Variants in DPP3 observed in about 807,000 individuals in gnomAD.
DPP3 encodes the protein DPP III.
A neutral mutation model predicts 89.8 loss-of-function variants in DPP3; 64 were observed. The observed-to-expected ratio is 0.71, with a 90% confidence interval of 0.58 to 0.88. The LOEUF (loss-of-function observed/expected upper bound fraction) is 0.88, where lower values mean the gene tolerates loss of function less well. DPP3 is among the 40% of genes least tolerant of loss of function. The pLI is 0.00. For missense variants in DPP3, 835 were observed against 972.5 expected, an observed-to-expected ratio of 0.86 and a Z score of 1.88; for synonymous variants, 377 against 404.3, an observed-to-expected ratio of 0.93 and a Z score of 0.81.
chr11:66,494,545 G>T (rs972376480), intron 12 of DPP3, among the ~76,000 whole-genome samples: 4 of 152,212 alleles, frequency 2.6e-5, no homozygotes, highest in Non-Finnish European at 5.9e-5. Context: ...CCTGCTGTGT[G>T]GGCTGTTGTG....
chr11:66,488,593 C>T (rs907314895), intron 6 of DPP3, among the ~76,000 whole-genome samples: 1 of 150,514 alleles, frequency 6.6e-6, no homozygotes, highest in African/African-American at 2.4e-5. Context: ...AAGAGGCTGG[C>T]CCTTCCCAAA....
At chr11:66,500,026 C>G (rs1055830577) in intron 16 of DPP3, among the ~76,000 whole-genome samples, 3 of 152,048 alleles carry the variant, frequency 2.0e-5, no homozygotes, top group African/African-American at 4.8e-5. Context: ...ATGGGGACTA[C>G]TGTACTGACA....
chr11:66,487,518 G>A (rs774982271), intron 5 of DPP3, among the ~76,000 whole-genome samples, 176 bp downstream of exon 5: 6 of 152,104 alleles, frequency 3.9e-5, no homozygotes, highest in Non-Finnish European at 5.9e-5. Flanking sequence ...AGGGCAGGGC[G>A]AGGAACCAGG....
intron 16 of DPP3, 138 bp downstream of exon 16, chr11:66,497,615 A>T (rs1259370611): frequency 8.1e-7 from 1 of 1,239,660 alleles, no homozygotes; most frequent in Non-Finnish European, 1.1e-6. Context: ...ATGTAAGCGC[A>T]CCGGGTGCCT....
intron 2 of DPP3, among the ~76,000 whole-genome samples, chr11:66,484,523 T>A (rs1855170260): frequency 2.6e-5 from 4 of 152,064 alleles, no homozygotes; most frequent in Admixed American, 2.6e-4. Flanking sequence ...ACAGAGGCTC[T>A]TTGCCAATGG....
intron 16 of DPP3, among the ~76,000 whole-genome samples, chr11:66,501,017 C>T (rs1855661904): frequency 6.6e-6 from 1 of 152,062 alleles, no homozygotes; most frequent in Non-Finnish European, 1.5e-5. Context: ...GGTGAAACCC[C>T]TTTTCTACTA....
intron 2 of DPP3, among the ~76,000 whole-genome samples, chr11:66,484,960 A>G (rs1342587000): frequency 6.6e-6 from 1 of 152,108 alleles, no homozygotes; most frequent in Non-Finnish European, 1.5e-5. Context: ...AACTGCCCAG[A>G]AGATCAGTTA....
Position 66,509,252 on chromosome 11 carries a change from G to A in DPP3, c.*1G>A. On this transcript the variant is annotated 3_prime_UTR_variant, in exon 18 of 18. Transcript: ENST00000531863. Reference sequence around the variant, plus strand: ...TGAGGCCCCATCTGGCCAAGCTTGAGGAAGATGTGTGGCCTTGCCCCCAAT... The same window carrying A: ...TGAGGCCCCATCTGGCCAAGCTTGAAGAAGATGTGTGGCCTTGCCCCCAAT... The A allele has an allele frequency of 6.2e-7, 1 of 1,606,548 alleles. No individual in the cohort carries two copies. Among genetic ancestry groups the A allele is most frequent in the Non-Finnish European group, 8.5e-7 (1 of 1,176,302 alleles).
chr11:66,483,449 C>A (rs190225095), intron 2 of DPP3, among the ~76,000 whole-genome samples: 2 of 152,080 alleles, frequency 1.3e-5, no homozygotes, highest in East Asian at 1.9e-4. Flanking sequence ...TGCTTTGTGT[C>A]CTGCTTTTTC....
chr11:66,499,303 C>T (rs1855622393), intron 16 of DPP3, among the ~76,000 whole-genome samples: 1 of 150,290 alleles, frequency 6.7e-6, no homozygotes, highest in African/African-American at 2.5e-5. Flanking sequence ...GCGGAGGTTG[C>T]AGTGAGCCGA....
At chr11:66,484,248 A>G (rs1855163781) in intron 2 of DPP3, among the ~76,000 whole-genome samples, 1 of 152,080 alleles carries the variant, frequency 6.6e-6, no homozygotes, top group African/African-American at 2.4e-5. Context: ...AGTGCTTGGG[A>G]TTACAGGTGT....
At chr11:66,506,819 C>T (rs1033305851) in intron 17 of DPP3, among the ~76,000 whole-genome samples, 3 of 152,072 alleles carry the variant, frequency 2.0e-5, no homozygotes, top group Admixed American at 1.3e-4. Context: ...CCTTGTAAAA[C>T]GGCACCCTGT....
chr11:66,498,490 A>G (rs1855599594), intron 16 of DPP3, among the ~76,000 whole-genome samples: 1 of 152,182 alleles, frequency 6.6e-6, no homozygotes, highest in South Asian at 2.1e-4. Flanking sequence ...TGACCTCCCA[A>G]AGTGCTGGGA....
rs1193919214 is a variant in DPP3, at chr11:66,493,093, T to A, written c.1210T>A (p.Phe404Ile). Residue 404 changes from phenylalanine (F) to isoleucine (I), a missense_variant, in exon 11 of 18, where the codon TTT becomes ATT. Coordinates refer to ENST00000531863, the MANE Select transcript of DPP3 (RefSeq NM_130443.4). ...CGATGATCTGAGGCAGACGGAAGGC[T>A]TTAAGAACGTGTCGCTGGGGAATGT... is the stretch of plus-strand genomic sequence containing the variant. ...NYDDLRQTEGFKNVSLGNVLA... is the reference protein window; with the variant it reads ...NYDDLRQTEGIKNVSLGNVLA... 2 of 1,614,166 alleles carry A rather than the reference T, an allele frequency of 1.2e-6. No homozygotes were observed. Among genetic ancestry groups the A allele is most frequent in the Middle Eastern group, 1.6e-4 (1 of 6,062 alleles).
chr11:66,506,072 C>T (rs182152432), intron 17 of DPP3, among the ~76,000 whole-genome samples: 48 of 152,206 alleles, frequency 3.2e-4, no homozygotes, highest in African/African-American at 1.1e-3. Context: ...CCCCAGTCTC[C>T]CGAGTAGCTG....
intron 16 of DPP3, among the ~76,000 whole-genome samples, chr11:66,499,125 G>C (rs1300231309): frequency 6.6e-6 from 1 of 152,222 alleles, no homozygotes; most frequent in Non-Finnish European, 1.5e-5. Context: ...CACTCTGGGA[G>C]GCCGAGGCGG....
In DPP3 at chr11:66,493,603, G is replaced by A. The variant is rs1156627677; in HGVS notation, c.1359G>A (p.Leu453=). 2.7e-5 allele frequency: 43 copies of A among 1,612,822 alleles called. No homozygotes were observed. The highest frequency in any genetic ancestry group is 3.5e-5 in the Non-Finnish European group (41 of 1,179,850). ...TGCAGGTGGGCCTGCACGAGCTGCTGGGCCATGGCAGTGGCAAGCTCTTCG... is the reference window on the plus strand; with the variant it reads ...TGCAGGTGGGCCTGCACGAGCTGCTAGGCCATGGCAGTGGCAAGCTCTTCG... The part of the protein sequence containing the change: ...FDVQVGLHEL[L]GHGSGKLFVQ... Residue 453 remains leucine (L), a synonymous_variant, in exon 12 of 18, where the codon CTG becomes CTA. Coordinates refer to ENST00000531863, the MANE Select transcript of DPP3 (RefSeq NM_130443.4).
In DPP3 at chr11:66,482,250, T is replaced by C; in HGVS notation, c.50T>C (p.Leu17Pro). 6.2e-7 allele frequency: 1 copy of C among 1,614,196 alleles called. No individual in the cohort carries two copies. Among genetic ancestry groups the C allele is most frequent in the Non-Finnish European group, 8.5e-7 (1 of 1,180,032 alleles). The change falls in exon 2 of 18, where the codon CTG becomes CCG. Residue 17 changes from leucine (L) to proline (P), a missense_variant. Transcript: ENST00000531863. ...CCCAATGACATCGGCGTGTCTAGCC[T>C]GGACTGCCGTGAGGCCTTCCGCCTG... ...ILPNDIGVSSLDCREAFRLLS... is the reference protein window; with the variant it reads ...ILPNDIGVSSPDCREAFRLLS...
intron 4 of DPP3, 141 bp downstream of exon 4, chr11:66,486,818 C>A: frequency 9.3e-7 from 1 of 1,078,786 alleles, no homozygotes; most frequent in Non-Finnish European, 1.3e-6. Flanking sequence ...CCACTGCAGG[C>A]CTCAGTTTTG....
Sources: gnomAD v4.1 joint callset for allele counts (sites outside exome capture counted in the v4.1 genomes callset) on GRCh38, gnomAD v4.1.1 for gene constraint, MANE v1.5 for transcripts, NCBI Gene and HGNC (gene_info 2026-07-23, HGNC 2026-07-21) for gene names.